The following C16orf87 variants were observed in gnomAD, a reference collection of about 807,000 sequenced individuals.
The protein encoded by C16orf87 is UPF0547 protein C16orf87.
C16orf87 carries 13 observed loss-of-function variants against 21.0 expected under a neutral mutation model. The observed-to-expected ratio is 0.62, with a 90% CI of 0.40 to 0.98. C16orf87 has a LOEUF of 0.98. Ranked by LOEUF, C16orf87 falls within the 50% of genes least tolerant of loss-of-function variation. The pLI is 0.00. For synonymous variants in C16orf87, 49 were observed against 60.2 expected, an observed-to-expected ratio of 0.81 and a Z score of 0.86; for missense variants, 113 against 180.4, an observed-to-expected ratio of 0.63 and a Z score of 2.14.
intron 1 of C16orf87, 29 bp downstream of exon 1, chr16:46,831,055 C>T: frequency 6.4e-7 from 1 of 1,552,766 alleles, no homozygotes. Context: ...CACTGCCGCC[C>T]GCCCGCGCGC....
intron 2 of C16orf87, among the ~76,000 whole-genome samples, chr16:46,812,214 A>G (rs1462061887): frequency 6.6e-6 from 1 of 152,172 alleles, no homozygotes; most frequent in Non-Finnish European, 1.5e-5. Context: ...ACTGCACTCC[A>G]GCCTGGGTGA....
At chr16:46,803,461 T>C (rs549895828) in intron 3 of C16orf87, among the ~76,000 whole-genome samples, 30 of 152,316 alleles carry the variant, frequency 2.0e-4, no homozygotes, top group Non-Finnish European at 4.0e-4. Context: ...CTTCATCTTC[T>C]TATACAGGAA....
intron 1 of C16orf87, among the ~76,000 whole-genome samples, chr16:46,826,687 A>AT (rs1316762701): frequency 6.6e-6 from 1 of 152,176 alleles, no homozygotes; most frequent in African/African-American, 2.4e-5. Context: ...AAAATGCTAC[A>AT]TTTTTTAAAT....
chr16:46,818,426 T>G (rs1959281764), intron 2 of C16orf87, among the ~76,000 whole-genome samples: 1 of 151,746 alleles, frequency 6.6e-6, no homozygotes, highest in South Asian at 2.1e-4. Context: ...AAGTTGAGGG[T>G]TTTTTTCCCT....
At chr16:46,826,451 T>C (rs1322169127) in intron 1 of C16orf87, among the ~76,000 whole-genome samples, 2 of 152,236 alleles carry the variant, frequency 1.3e-5, no homozygotes, top group Admixed American at 6.5e-5. Flanking sequence ...TCTATGTATG[T>C]ACAGAATGCC....
intron 1 of C16orf87, among the ~76,000 whole-genome samples, chr16:46,829,523 T>C (rs995455056): frequency 6.6e-6 from 1 of 152,172 alleles, no homozygotes; most frequent in African/African-American, 2.4e-5. Flanking sequence ...TTACAGAAAT[T>C]GGAATGCATA....
chr16:46,817,050 T>C (rs1968268548), intron 2 of C16orf87, among the ~76,000 whole-genome samples: 1 of 152,188 alleles, frequency 6.6e-6, no homozygotes. Flanking sequence ...CTTCTTCCAA[T>C]ACAGTGTCAG....
At chr16:46,803,137 G>C (rs1274524179) in intron 3 of C16orf87, 67 bp from the exon 4 acceptor site, 2 of 694,850 alleles carry the variant, frequency 2.9e-6, no homozygotes, top group Non-Finnish European at 5.0e-6. Context: ...ATTTTTTAAA[G>C]CTTTCAAGTA....
intron 2 of C16orf87, among the ~76,000 whole-genome samples, chr16:46,815,941 G>A (rs1397635987): frequency 6.6e-6 from 1 of 152,166 alleles, no homozygotes; most frequent in Non-Finnish European, 1.5e-5. Context: ...ACAGATATTT[G>A]TATACCATGC....
intron 3 of C16orf87, among the ~76,000 whole-genome samples, chr16:46,809,217 T>G (rs712817): frequency 1 from 150,902 of 151,342 alleles, 75,234 homozygotes; most frequent in Middle Eastern, 1. Flanking sequence ...AGCCCTGGAG[T>G]TTAAGGCTGC....
Position 46,800,769 on chromosome 16 carries a change from A to G in C16orf87, c.*2183T>C, listed in dbSNP as rs940258372. On this transcript the variant is annotated 3_prime_UTR_variant, in exon 4 of 4. Coordinates refer to ENST00000285697, the MANE Select transcript of C16orf87 (RefSeq NM_001001436.4). ...TAGACAAATTAAATTTTTTAGCTTT[A>G]TAACAAGAAAGCTCATAGAGTACAA... 3.9e-5 allele frequency: 6 copies of G among 152,230 alleles called. No homozygotes were observed. Among genetic ancestry groups the G allele is most frequent in the South Asian group, 2.1e-4 (1 of 4,834 alleles). 9.4% of individuals were successfully genotyped at this position (152,230 alleles called of 1,614,324 possible).
rs1483383612 is a variant in C16orf87 at position 46,800,782 on chromosome 16, T to A, written c.*2170A>T. On this transcript the variant is annotated 3_prime_UTR_variant, in exon 4 of 4. Coordinates refer to ENST00000285697, the MANE Select transcript of C16orf87 (RefSeq NM_001001436.4). Reference sequence around the variant, plus strand: ...TTTTTTAGCTTTATAACAAGAAAGCTCATAGAGTACAATTTTTTGAAAAAT... The same window carrying A: ...TTTTTTAGCTTTATAACAAGAAAGCACATAGAGTACAATTTTTTGAAAAAT... The A allele has an allele frequency of 1.3e-5, 2 of 152,208 alleles. No individual in the cohort carries two copies. The highest frequency in any genetic ancestry group is 2.9e-5 in the Non-Finnish European group (2 of 68,024). The allele number at this position is 152,208 out of a possible 1,614,324, so 9.4% of individuals were successfully genotyped here.
At chr16:46,828,181 G>A (rs938077707) in intron 1 of C16orf87, among the ~76,000 whole-genome samples, 1 of 152,020 alleles carries the variant, frequency 6.6e-6, no homozygotes, top group Admixed American at 6.6e-5. Context: ...ACCTGCCTCG[G>A]CCTCCCAAAG....
intron 3 of C16orf87, among the ~76,000 whole-genome samples, chr16:46,809,216 G>T (rs1245833247): frequency 2.0e-5 from 3 of 151,602 alleles, no homozygotes; most frequent in Non-Finnish European, 2.9e-5. Context: ...GAGCCCTGGA[G>T]TTTAAGGCTG....
chr16:46,830,876 G>T lies in C16orf87; in HGVS notation c.66+208C>A, dbSNP rs116098523. Reference sequence around the variant, plus strand: ...GAAGGGGCTTGGCCGTCTGGCCGCCGCCAGGTGGACGCTGGCGGGCCACGG... The same window carrying T: ...GAAGGGGCTTGGCCGTCTGGCCGCCTCCAGGTGGACGCTGGCGGGCCACGG... On this transcript the variant is annotated intron_variant, in intron 1 of 3. Transcript: ENST00000285697. The T allele has an allele frequency of 2.7e-3, 994 of 370,376 alleles. 9 individuals carry two copies. Among genetic ancestry groups the T allele is most frequent in the African/African-American group, 0.019 (894 of 46,920 alleles). The allele number at this position is 370,376 out of a possible 1,614,324, so 22.9% of individuals were successfully genotyped here.
chr16:46,809,881 G>T, intron 2 of C16orf87, 96 bp from the exon 3 acceptor site: 1 of 712,040 alleles, frequency 1.4e-6, no homozygotes, highest in Non-Finnish European at 2.4e-6. Flanking sequence ...AATAGCACTA[G>T]AGTATGCTTC....
rs1005789613 is a variant in C16orf87, at chr16:46,797,837, A to G, written c.*5115T>C. Reference sequence around the variant, plus strand: ...AAACTATTCAAAGAACTATAATTTTAAAAAACAATAAATTACAATCAGTAA... The same window carrying G: ...AAACTATTCAAAGAACTATAATTTTGAAAAACAATAAATTACAATCAGTAA... On this transcript the variant is annotated 3_prime_UTR_variant, in exon 4 of 4. Transcript: ENST00000285697. 1 of 152,196 alleles carries G rather than the reference A, an allele frequency of 6.6e-6. No individual in the cohort carries two copies. Among genetic ancestry groups the G allele is most frequent in the Non-Finnish European group, 1.5e-5 (1 of 68,038 alleles). 9.4% of individuals were successfully genotyped at this position (152,196 alleles called of 1,614,324 possible).
intron 1 of C16orf87, among the ~76,000 whole-genome samples, chr16:46,829,128 CATGATGTGATTAGGGA>C (rs2143186201): frequency 6.6e-6 from 1 of 152,156 alleles, no homozygotes; most frequent in East Asian, 1.9e-4. Flanking sequence ...GTGGGGCCCT[CATGATGTGATTAGGGA>C]CCTTTTAAGA....
At chr16:46,829,542 C>A (rs1429793195) in intron 1 of C16orf87, among the ~76,000 whole-genome samples, 3 of 152,012 alleles carry the variant, frequency 2.0e-5, no homozygotes, top group Admixed American at 2.0e-4. Context: ...TAACGCATAC[C>A]ATGTAAACCT....
Sources: gnomAD v4.1 joint callset for allele counts (sites outside exome capture counted in the v4.1 genomes callset) on GRCh38, gnomAD v4.1.1 for gene constraint, MANE v1.5 for transcripts, NCBI Gene and HGNC (gene_info 2026-07-23, HGNC 2026-07-21) for gene names.